The following MMS19 variants were observed in gnomAD, a reference collection of about 807,000 sequenced individuals.
MMS19 encodes the protein MMS19 cytosolic iron-sulfur assembly component, also known as MMS19 nucleotide excision repair protein homolog.
Under a neutral mutation model 129.8 loss-of-function variants are expected in MMS19, and 77 were observed. The ratio of observed to expected loss-of-function variants is 0.59; its 90% CI spans 0.49 to 0.72. MMS19 has a LOEUF of 0.72. Ranked by LOEUF, MMS19 falls within the 30% of genes least tolerant of loss-of-function variation. The pLI is 0.00. For synonymous variants in MMS19, 491 were observed against 502.8 expected, an observed-to-expected ratio of 0.98 and a Z score of 0.31; for missense variants, 1,168 against 1,266.3, an observed-to-expected ratio of 0.92 and a Z score of 1.18.
At chr10:97,469,155 A>G (rs966206333) in intron 11 of MMS19, 51 bp from the exon 12 acceptor site, 6 of 1,534,126 alleles carry the variant, frequency 3.9e-6, no homozygotes, top group Middle Eastern at 1.7e-4. Flanking sequence ...ACCAGATGAG[A>G]CCCCACCAAT....
intron 20 of MMS19, 54 bp downstream of exon 20, chr10:97,462,529 C>T (rs2032278058): frequency 7.4e-7 from 1 of 1,346,768 alleles, no homozygotes; most frequent in East Asian, 2.3e-5. Flanking sequence ...TTGCTTCTTC[C>T]TAAGAATGCT....
In MMS19 at chr10:97,471,522, T is replaced by A. The variant is rs192090191; in HGVS notation, c.685-661A>T. On this transcript the variant is annotated intron_variant, in intron 8 of 30. Transcript: ENST00000438925. ...GGGATTTACTATTATTATTATTATT[T>A]TTTTTTGAGACAGAGTCTCACTCTG... Among the ~76,000 whole-genome samples the A allele has an allele frequency of 3.9e-3, 591 of 152,224 alleles. 2 individuals carry two copies. The highest frequency in any genetic ancestry group is 5.8e-3 in the Non-Finnish European group (392 of 68,024).
chr10:97,489,994 T>A (rs1204952722), intron 1 of MMS19, among the ~76,000 whole-genome samples: 3 of 152,260 alleles, frequency 2.0e-5, no homozygotes, highest in African/African-American at 7.2e-5. Context: ...CTCTTTCTGG[T>A]ACTCTTTTAT....
chr10:97,485,406 G>A (rs1438913944), intron 1 of MMS19, among the ~76,000 whole-genome samples: 6 of 152,152 alleles, frequency 3.9e-5, no homozygotes, highest in African/African-American at 2.4e-5. Context: ...TCCGCCTCCC[G>A]GGTTCAAGCA....
intron 1 of MMS19, among the ~76,000 whole-genome samples, chr10:97,493,765 A>G (rs558083737): frequency 6.6e-6 from 1 of 152,348 alleles, no homozygotes; most frequent in South Asian, 2.1e-4. Flanking sequence ...CTGTAATCTC[A>G]GCACTTTGGG....
At position 97,462,079 on chromosome 10, in the gene MMS19, A is replaced by G; in HGVS notation, c.2053T>C (p.Leu685=). 4 of 1,589,512 alleles carry G rather than the reference A, an allele frequency of 2.5e-6. No individual in the cohort carries two copies. The highest frequency in any genetic ancestry group is 3.4e-6 in the Non-Finnish European group (4 of 1,167,608). ...GGCAGAAAGGACACGTTGCCATCCA[A>G]GAAGAGGGGCACAATGTGTGTCACA... is the stretch of plus-strand genomic sequence containing the variant. ...QSVTHIVPLF[L]DGNVSFLPEN... The change falls in exon 21 of 31, where the codon TTG becomes CTG. Residue 685 remains leucine, a synonymous_variant. Coordinates refer to ENST00000438925, the MANE Select transcript of MMS19 (RefSeq NM_022362.5).
chr10:97,470,236 A>G (rs746869556), intron 9 of MMS19, 33 bp from the exon 10 acceptor site: 2 of 1,493,354 alleles, frequency 1.3e-6, no homozygotes, highest in South Asian at 1.2e-5. Flanking sequence ...TAAGCCTGAG[A>G]TGGGTGGTGT....
In MMS19 at chr10:97,494,828, T is replaced by A. The variant is rs188460742; in HGVS notation, c.112+3445A>T. Among the ~76,000 whole-genome samples, 189 of 152,288 alleles carry A rather than the reference T, an allele frequency of 1.2e-3. 1 individual carries two copies. The highest frequency in any genetic ancestry group is 4.1e-3 in the East Asian group (21 of 5,184). On this transcript the variant is annotated intron_variant, in intron 1 of 30. Coordinates refer to ENST00000438925, the MANE Select transcript of MMS19 (RefSeq NM_022362.5). Reference sequence around the variant, plus strand: ...CTCCTTCAAGCCCTATAATAACTAGTTAGAACTCAAATTCCACAGATTCTT... The same window carrying A: ...CTCCTTCAAGCCCTATAATAACTAGATAGAACTCAAATTCCACAGATTCTT...
intron 15 of MMS19, 24 bp from the exon 16 acceptor site, chr10:97,466,609 T>C (rs746920463): frequency 1.3e-6 from 2 of 1,598,936 alleles, no homozygotes; most frequent in South Asian, 1.1e-5. Context: ...GGAACATGAA[T>C]CTCATCTTTC....
In MMS19 at chr10:97,461,476, A is replaced by C; in HGVS notation, c.2311+20T>G. On this transcript the variant is annotated intron_variant, in intron 23 of 30. Transcript: ENST00000438925. Reference sequence around the variant, plus strand: ...GGTAGTTGATTCTGGGAGGCTCCTTACATAGTCTGATCTCAGTACCTGCAG... The same window carrying C: ...GGTAGTTGATTCTGGGAGGCTCCTTCCATAGTCTGATCTCAGTACCTGCAG... 6.2e-7 allele frequency: 1 copy of C among 1,605,918 alleles called. No homozygotes were observed. Among genetic ancestry groups the C allele is most frequent in the Non-Finnish European group, 8.5e-7 (1 of 1,176,216 alleles).
chr10:97,485,159 G>A (rs996846172), intron 1 of MMS19, among the ~76,000 whole-genome samples: 7 of 151,940 alleles, frequency 4.6e-5, no homozygotes, highest in Non-Finnish European at 8.8e-5. Context: ...GATGGAGTTC[G>A]CCTTTGTCAC....
At position 97,463,999 on chromosome 10, in the gene MMS19, G is replaced by A; in HGVS notation, c.1771C>T (p.Gln591Ter). 6.2e-7 allele frequency: 1 copy of A among 1,612,892 alleles called. No homozygotes were observed. ...CAGACAGCAATAACGTCACTGGATT[G>A]TGCAACCATATTCCCTGTTGATGAG... ...WQVNRGNMVA[Q>*]SSDVIAVCQS... Residue 591 changes from glutamine (Q) to a stop codon, truncating the protein, a stop_gained, in exon 19 of 31, where the codon CAA becomes TAA. Transcript: ENST00000438925. LOFTEE classifies it high-confidence loss of function.
In MMS19 at chr10:97,458,602, A is replaced by G; in HGVS notation, c.*90T>C. ...GTGTCTGTGGGAAAGGCAGTCAGAGACCAGTGGTTTCCCTGCTTTGGGGAA... is the reference window on the plus strand; with the variant it reads ...GTGTCTGTGGGAAAGGCAGTCAGAGGCCAGTGGTTTCCCTGCTTTGGGGAA... On this transcript the variant is annotated 3_prime_UTR_variant, in exon 31 of 31. Transcript: ENST00000438925. 1 of 1,339,154 alleles carries G rather than the reference A, an allele frequency of 7.5e-7. No individual in the cohort carries two copies. The highest frequency in any genetic ancestry group is 1.0e-6 in the Non-Finnish European group (1 of 974,254). The allele number at this position is 1,339,154 out of a possible 1,614,324, so 83.0% of individuals were successfully genotyped here. A position where few individuals can be genotyped will look rare whatever the true frequency, so the allele number is the denominator to read the frequency against.
intron 1 of MMS19, among the ~76,000 whole-genome samples, chr10:97,492,236 C>G (rs1489553385): frequency 6.6e-6 from 1 of 150,792 alleles, no homozygotes; most frequent in Non-Finnish European, 1.5e-5. Context: ...TTTGGGAGGC[C>G]GAGGCGGGCG....
intron 1 of MMS19, among the ~76,000 whole-genome samples, chr10:97,492,836 G>C (rs1348888324): frequency 7.0e-6 from 1 of 143,382 alleles, no homozygotes; most frequent in East Asian, 2.1e-4. Context: ...ACCAGCCTGG[G>C]CAACAGAGCA....
At chr10:97,498,133 A>G in intron 1 of MMS19, 140 bp downstream of exon 1, 1 of 721,540 alleles carries the variant, frequency 1.4e-6, no homozygotes. Context: ...ACGGCTCTGA[A>G]CCTCGCGGTG....
chr10:97,486,929 T>C (rs1019826425), intron 1 of MMS19, among the ~76,000 whole-genome samples: 4 of 137,134 alleles, frequency 2.9e-5, no homozygotes, highest in African/African-American at 5.3e-5. Context: ...AAAGGAGTAA[T>C]AGAAAATCAG....
At chr10:97,469,764 G>C (rs1272735934) in intron 10 of MMS19, 41 bp from the exon 11 acceptor site, 2 of 1,565,086 alleles carry the variant, frequency 1.3e-6, no homozygotes, top group Admixed American at 1.7e-5. Context: ...TACACACTCA[G>C]ACACCCTAGG....
rs777991412 is a variant in MMS19 at position 97,469,682 on chromosome 10, G to C, written c.888C>G (p.Asp296Glu). 1 of 1,613,986 alleles carries C rather than the reference G, an allele frequency of 6.2e-7. No individual in the cohort carries two copies. Among genetic ancestry groups the C allele is most frequent in the Non-Finnish European group, 8.5e-7 (1 of 1,179,868 alleles). Reference protein sequence around the residue: ...CAVYGQKELKDFLPSLWASIR... With the variant: ...CAVYGQKELKEFLPSLWASIR... ...TAGAAGCCCAAAGGCTGGGGAGGAA[G>C]TCCTTCAGTTCCTTCTGTCCATACA... The change falls in exon 11 of 31, where the codon GAC (aspartate) becomes GAG (glutamate). Residue 296 changes from aspartate (D) to glutamate (E), a missense_variant. By Grantham distance (45) the Asp-to-Glu change is conservative (BLOSUM62 2). Around this residue, in one of 3 missense-constraint regions of MMS19, gnomAD observed 831 missense variants for 910.8 expected, o/e 0.91. Coordinates refer to ENST00000438925, the MANE Select transcript of MMS19 (RefSeq NM_022362.5).
Sources: allele counts gnomAD v4.1 joint callset (sites outside exome capture counted in the v4.1 genomes callset), GRCh38; gene constraint gnomAD v4.1.1; regional missense constraint gnomAD v4.1.1; transcripts MANE v1.5; gene names NCBI Gene and HGNC (gene_info 2026-07-23, HGNC 2026-07-21).